Variants in PPM1E observed in about 807,000 individuals in gnomAD.
The protein encoded by PPM1E is protein phosphatase, Mg2+/Mn2+ dependent 1E, also known as protein phosphatase 1E.
PPM1E carries 20 observed loss-of-function variants against 65.9 expected under a neutral mutation model. The observed-to-expected ratio is 0.30, with a 90% CI of 0.21 to 0.44. The LOEUF (loss-of-function observed/expected upper bound fraction) is 0.44. Ranked by LOEUF, PPM1E falls within the 20% of genes least tolerant of loss-of-function variation. The pLI is 1.00. For missense variants in PPM1E, 713 were observed against 953.1 expected, an observed-to-expected ratio of 0.75 and a Z score of 3.32; for synonymous variants, 352 against 374.9, an observed-to-expected ratio of 0.94 and a Z score of 0.70.
At chr17:58,818,018 C>T (rs2050444026) in intron 1 of PPM1E, among the ~76,000 whole-genome samples, 1 of 152,150 alleles carries the variant, frequency 6.6e-6, no homozygotes, top group African/African-American at 2.4e-5. Flanking sequence ...GGATTACAGA[C>T]GTGAGCCACC....
chr17:58,928,471 A>G (rs1301178858), intron 1 of PPM1E, among the ~76,000 whole-genome samples: 1 of 152,108 alleles, frequency 6.6e-6, no homozygotes, highest in African/African-American at 2.4e-5. Flanking sequence ...ACCCATCAGA[A>G]TTGCTAAAAT....
chr17:58,793,736 A>G (rs921276539), intron 1 of PPM1E, among the ~76,000 whole-genome samples: 12 of 152,156 alleles, frequency 7.9e-5, no homozygotes, highest in African/African-American at 2.7e-4. Context: ...CATTAAATAC[A>G]ATATTACTTG....
intron 1 of PPM1E, among the ~76,000 whole-genome samples, chr17:58,919,099 G>T (rs2051719545): frequency 6.6e-6 from 1 of 152,146 alleles, no homozygotes; most frequent in Non-Finnish European, 1.5e-5. Flanking sequence ...GTTTGATTCA[G>T]AGTACTTTGA....
chr17:58,970,166 G>A (rs1598693845), intron 4 of PPM1E, among the ~76,000 whole-genome samples: 1 of 152,196 alleles, frequency 6.6e-6, no homozygotes, highest in Non-Finnish European at 1.5e-5. Context: ...GCAGTGTTTT[G>A]CTGTGTATCT....
At position 58,930,258 on chromosome 17, in the gene PPM1E, C is replaced by G. The variant is rs867051330; in HGVS notation, c.465-25391C>G. Among the ~76,000 whole-genome samples, 3 of 147,994 alleles carry G rather than the reference C, an allele frequency of 2.0e-5. No individual in the cohort carries two copies. The South Asian group carries it at 6.3e-4, about 31-fold the overall frequency. ...AATAAATTAAATGTATATACACACA[C>G]ACACACACACACACACACACACACA... On this transcript the variant is annotated intron_variant, in intron 1 of 6. Coordinates refer to ENST00000308249, the MANE Select transcript of PPM1E (RefSeq NM_014906.5).
At position 58,922,686 on chromosome 17, in the gene PPM1E, C is replaced by CT. The variant is rs35870575; in HGVS notation, c.465-32947dup. Among the ~76,000 whole-genome samples the CT allele has an allele frequency of 3.3e-3, 441 of 133,796 alleles. 3 individuals are homozygous for CT. The highest frequency in any genetic ancestry group is 8.0e-3 in the South Asian group (33 of 4,144). 87.8% of individuals were successfully genotyped at this position (133,796 alleles called of 152,430 possible). A position where few individuals can be genotyped will look rare whatever the true frequency, so the allele number is the denominator to read the frequency against. On this transcript the variant is annotated intron_variant, in intron 1 of 6. Coordinates refer to ENST00000308249, the MANE Select transcript of PPM1E (RefSeq NM_014906.5). ...ATCTTTAAATATATGTCTTGAAGTA[C>CT]TTTTTTTTTTTTTTTTGAGATGGAG... is the stretch of plus-strand genomic sequence containing the variant.
intron 1 of PPM1E, among the ~76,000 whole-genome samples, chr17:58,881,996 CAAAAAAAAAAAAAA>C (rs58449667): frequency 1.6e-5 from 1 of 62,258 alleles, no homozygotes; most frequent in Non-Finnish European, 3.0e-5. Context: ...CCTGTCTCTA[CAAAAAAAAAAAAAA>C]AAAAAAAAAA....
chr17:58,769,459 T>C (rs1319307551), intron 1 of PPM1E, among the ~76,000 whole-genome samples: 1 of 151,958 alleles, frequency 6.6e-6, no homozygotes, highest in Admixed American at 6.6e-5. Flanking sequence ...TAGCTGGGCA[T>C]GGCGGTGTGT....
intron 1 of PPM1E, among the ~76,000 whole-genome samples, chr17:58,912,441 A>G (rs1478837629): frequency 2.8e-4 from 43 of 152,226 alleles, no homozygotes; most frequent in Non-Finnish European, 3.8e-4. Flanking sequence ...AGAGAAAATG[A>G]TGCAAAGTGC....
intron 1 of PPM1E, among the ~76,000 whole-genome samples, chr17:58,826,691 T>A (rs2050540553): frequency 6.6e-6 from 1 of 152,154 alleles, no homozygotes; most frequent in African/African-American, 2.4e-5. Context: ...AGTGCCACGA[T>A]CTTGGCTCAC....
chr17:58,976,203 C>T (rs1301170620), intron 6 of PPM1E, among the ~76,000 whole-genome samples: 1 of 152,102 alleles, frequency 6.6e-6, no homozygotes, highest in Non-Finnish European at 1.5e-5. Flanking sequence ...GCCAGAGCAG[C>T]ACAGGCTCAC....
At chr17:58,893,030 C>T (rs970189367) in intron 1 of PPM1E, among the ~76,000 whole-genome samples, 1 of 152,190 alleles carries the variant, frequency 6.6e-6, no homozygotes, top group African/African-American at 2.4e-5. Flanking sequence ...GGTACAGCCA[C>T]TTTGGAAGAA....
At chr17:58,936,615 G>A (rs909077638) in intron 1 of PPM1E, among the ~76,000 whole-genome samples, 2 of 152,176 alleles carry the variant, frequency 1.3e-5, no homozygotes, top group African/African-American at 4.8e-5. Flanking sequence ...AGTGATTTGT[G>A]TAGGTTTGGC....
rs376605107 is a variant in PPM1E at position 58,830,292 on chromosome 17, GTTATTATTA to G, written c.464+73855_464+73863del. 9.9e-4 allele frequency among the ~76,000 whole-genome samples: 145 copies of G among 146,834 alleles called. 3 individuals are homozygous for G. The highest frequency in any genetic ancestry group is 8.6e-4 in the South Asian group (4 of 4,656). On this transcript the variant is annotated intron_variant, in intron 1 of 6. Transcript: ENST00000308249. ...AGCTTTCACTGTTGTTGTTGTTGTTGTTATTATTATTATTATTATTATTATTATTATTTG... is the reference window on the plus strand; with the variant it reads ...AGCTTTCACTGTTGTTGTTGTTGTTGTTATTATTATTATTATTATTATTTG...
At chr17:58,966,721 C>T (rs1240386450) in intron 3 of PPM1E, 1 of 153,204 alleles carries the variant, frequency 6.5e-6, no homozygotes, top group African/African-American at 2.4e-5. Flanking sequence ...TATGTTAATG[C>T]AAACAAGTAG....
At chr17:58,781,902 A>T (rs1033046010) in intron 1 of PPM1E, among the ~76,000 whole-genome samples, 47 of 152,128 alleles carry the variant, frequency 3.1e-4, no homozygotes, top group Admixed American at 6.6e-5. Flanking sequence ...AAAAAAAAAT[A>T]AAATAAAATG....
intron 2 of PPM1E, among the ~76,000 whole-genome samples, chr17:58,960,284 A>T (rs1476446840): frequency 2.0e-5 from 3 of 152,178 alleles, no homozygotes; most frequent in South Asian, 4.1e-4. Context: ...AGATTTTCTC[A>T]GTTGTTTTTA....
Position 58,896,465 on chromosome 17 carries a change from G to A in PPM1E, c.465-59184G>A, listed in dbSNP as rs184451683. ...CCGGGCATGGTGGTGCATGCCTGTA[G>A]TCCCAGCTACTCGGGAGGCTGAGGC... On this transcript the variant is annotated intron_variant, in intron 1 of 6. Coordinates refer to ENST00000308249, the MANE Select transcript of PPM1E (RefSeq NM_014906.5). 9.8e-3 allele frequency among the ~76,000 whole-genome samples: 1,496 copies of A among 152,118 alleles called. 20 individuals are homozygous for A. Among genetic ancestry groups the A allele is most frequent in the Non-Finnish European group, 0.013 (867 of 67,986 alleles).
At chr17:58,943,079 A>G (rs528458886) in intron 1 of PPM1E, among the ~76,000 whole-genome samples, 48 of 152,120 alleles carry the variant, frequency 3.2e-4, no homozygotes, top group African/African-American at 1.1e-3. Flanking sequence ...AGATGATTGA[A>G]TAAAATAAAA....
Sources: allele counts gnomAD v4.1 joint callset (sites outside exome capture counted in the v4.1 genomes callset), GRCh38; gene constraint gnomAD v4.1.1; transcripts MANE v1.5; gene names NCBI Gene and HGNC (gene_info 2026-07-23, HGNC 2026-07-21).